Variants in ABTB3 observed in about 807,000 individuals in gnomAD.
The protein encoded by ABTB3 is ankyrin repeat and BTB domain containing 3.
the ABTB3 span, among the ~76,000 whole-genome samples, chr12:107,639,957 C>A: frequency 6.6e-6 from 1 of 152,340 alleles, no homozygotes; most frequent in East Asian, 1.9e-4. Flanking sequence ...GACAGCTCTT[C>A]TAAACCACTT....
At chr12:107,600,002 G>T in the ABTB3 span, among the ~76,000 whole-genome samples, 2 of 152,270 alleles carry the variant, frequency 1.3e-5, no homozygotes, top group African/African-American at 4.8e-5. Flanking sequence ...CACAAACACA[G>T]GTCTTACTTG....
At chr12:107,609,896 T>C in the ABTB3 span, 1 of 349,150 alleles carries the variant, frequency 2.9e-6, no homozygotes, top group East Asian at 5.8e-5. Flanking sequence ...AATTAATTCA[T>C]GCAAAGAGCT....
the ABTB3 span, among the ~76,000 whole-genome samples, chr12:107,324,073 C>T: frequency 6.6e-6 from 1 of 152,160 alleles, no homozygotes; most frequent in Non-Finnish European, 1.5e-5. Context: ...GTAATAATTA[C>T]AAGGATTAAA....
chr12:107,468,916 A>G, the ABTB3 span, among the ~76,000 whole-genome samples: 2 of 152,106 alleles, frequency 1.3e-5, no homozygotes, highest in Non-Finnish European at 1.5e-5. Flanking sequence ...TCACACAACC[A>G]TTCCGTGCCT....
chr12:107,509,265 A>T, the ABTB3 span, among the ~76,000 whole-genome samples: 1 of 152,228 alleles, frequency 6.6e-6, no homozygotes, highest in Non-Finnish European at 1.5e-5. Flanking sequence ...TCTTGTTTGG[A>T]TTACATGGAA....
the ABTB3 span, among the ~76,000 whole-genome samples, chr12:107,478,321 G>A: frequency 6.6e-6 from 1 of 152,152 alleles, no homozygotes; most frequent in Non-Finnish European, 1.5e-5. Flanking sequence ...TGAAAGCTCT[G>A]ACAGTTGGAT....
the ABTB3 span, among the ~76,000 whole-genome samples, chr12:107,606,200 C>G: frequency 6.6e-6 from 1 of 152,162 alleles, no homozygotes; most frequent in Non-Finnish European, 1.5e-5. Context: ...TTAAAGTTTC[C>G]TCATCTGTGG....
At chr12:107,482,819 T>C in the ABTB3 span, among the ~76,000 whole-genome samples, 2 of 151,736 alleles carry the variant, frequency 1.3e-5, no homozygotes, top group Non-Finnish European at 2.9e-5. Context: ...TTTTCTTTCT[T>C]TCTTTCTTTT....
chr12:107,613,311 G>A, the ABTB3 span, among the ~76,000 whole-genome samples: 15 of 152,120 alleles, frequency 9.9e-5, no homozygotes, highest in South Asian at 2.1e-4. Context: ...TCTTCCTCCC[G>A]CAGATCCTCC....
At chr12:107,651,814 C>A in the ABTB3 span, 8 of 1,584,852 alleles carry the variant, frequency 5.0e-6, no homozygotes, top group Non-Finnish European at 6.1e-6. Context: ...TCGCGCAGTG[C>A]GCACACAGGA....
the ABTB3 span, among the ~76,000 whole-genome samples, chr12:107,361,503 C>T: frequency 1.4e-4 from 22 of 152,190 alleles, no homozygotes; most frequent in Middle Eastern, 6.8e-3. Context: ...TACTCTGCAA[C>T]GTAACTTTTC....
chr12:107,651,654 A>T, the ABTB3 span: 21 of 1,589,928 alleles, frequency 1.3e-5, no homozygotes, highest in Non-Finnish European at 1.7e-5. Context: ...CCTCTAACAG[A>T]CTCTTTTTGT....
At chr12:107,633,606 T>C in the ABTB3 span, among the ~76,000 whole-genome samples, 7 of 152,202 alleles carry the variant, frequency 4.6e-5, no homozygotes, top group Non-Finnish European at 1.0e-4. Flanking sequence ...ATGCAGATTC[T>C]GATTCAGTGG....
At chr12:107,536,538 G>GA in the ABTB3 span, among the ~76,000 whole-genome samples, 47 of 150,858 alleles carry the variant, frequency 3.1e-4, 1 homozygote, top group African/African-American at 9.2e-4. Flanking sequence ...CAACCTCAAA[G>GA]AGAAAAAAAA....
the ABTB3 span, chr12:107,320,499 C>A: frequency 4.5e-6 from 2 of 448,558 alleles, no homozygotes; most frequent in Non-Finnish European, 8.9e-6. Flanking sequence ...TGGGAGGAGG[C>A]GCGTTCCGCT....
At chr12:107,559,027 A>C in the ABTB3 span, among the ~76,000 whole-genome samples, 2 of 152,184 alleles carry the variant, frequency 1.3e-5, no homozygotes, top group Non-Finnish European at 2.9e-5. Context: ...ACAAGCAGGG[A>C]CTGGGCTTTG....
the ABTB3 span, among the ~76,000 whole-genome samples, chr12:107,616,159 C>T: frequency 2.6e-5 from 4 of 152,118 alleles, no homozygotes; most frequent in African/African-American, 4.8e-5. Flanking sequence ...AAGAAGGGGT[C>T]GGTTGGTGGT....
chr12:107,522,352 T>A, the ABTB3 span, among the ~76,000 whole-genome samples: 1,949 of 152,258 alleles, frequency 0.013, 41 homozygotes, highest in African/African-American at 0.043. Flanking sequence ...ATACTCTATA[T>A]TTTTGTTTTT....
the ABTB3 span, among the ~76,000 whole-genome samples, chr12:107,602,791 G>A: frequency 1.3e-5 from 2 of 152,136 alleles, no homozygotes; most frequent in African/African-American, 2.4e-5. Context: ...TTAACTCCCC[G>A]CCTCGGTGCC....
Sources: allele counts gnomAD v4.1 joint callset (sites outside exome capture counted in the v4.1 genomes callset), GRCh38; gene constraint gnomAD v4.1.1; transcripts MANE v1.5; gene names NCBI Gene and HGNC (gene_info 2026-07-23, HGNC 2026-07-21).